The following ANKRD28 variants were observed in gnomAD, a reference collection of about 807,000 sequenced individuals.
ANKRD28 encodes the protein ankyrin repeat domain 28.
A neutral mutation model predicts 126.5 loss-of-function variants in ANKRD28; 44 were observed. The ratio of observed to expected loss-of-function variants is 0.35; its 90% CI spans 0.27 to 0.45. The LOEUF (loss-of-function observed/expected upper bound fraction) is 0.45. ANKRD28 is among the 20% of genes least tolerant of loss of function. The pLI is 1.00. For synonymous variants in ANKRD28, 442 were observed against 468.5 expected, an observed-to-expected ratio of 0.94 and a Z score of 0.73; for missense variants, 1,110 against 1,316.6, an observed-to-expected ratio of 0.84 and a Z score of 2.43.
intron 4 of ANKRD28, among the ~76,000 whole-genome samples, chr3:15,744,957 C>T (rs1316491855): frequency 1.3e-5 from 2 of 151,932 alleles, no homozygotes; most frequent in African/African-American, 2.4e-5. Context: ...AAAGTGGTAT[C>T]GCTTTGTGGT....
chr3:15,728,381 A>G (rs529227586), intron 6 of ANKRD28, among the ~76,000 whole-genome samples: 17 of 152,032 alleles, frequency 1.1e-4, no homozygotes, highest in African/African-American at 3.1e-4. Context: ...GTAACCTCAA[A>G]CTCCTAGATT....
At chr3:15,673,985 G>C (rs749754346) in intron 27 of ANKRD28, among the ~76,000 whole-genome samples, 15 of 151,730 alleles carry the variant, frequency 9.9e-5, no homozygotes, top group Non-Finnish European at 1.8e-4. Flanking sequence ...AGACCGGCCT[G>C]GACAATATAG....
At chr3:15,722,936 A>C (rs1285071636) in intron 7 of ANKRD28, among the ~76,000 whole-genome samples, 2 of 152,156 alleles carry the variant, frequency 1.3e-5, no homozygotes, top group Non-Finnish European at 2.9e-5. Context: ...CTAAAAAAAA[A>C]ACAAAAAACA....
chr3:15,839,143 T>C lies in ANKRD28; in HGVS notation c.27+20234A>G, dbSNP rs1279367090. Among the ~76,000 whole-genome samples, 2 of 152,152 alleles carry C rather than the reference T, an allele frequency of 1.3e-5. No homozygotes were observed. The highest frequency in any genetic ancestry group is 2.9e-5 in the Non-Finnish European group (2 of 68,022). ...TGCAAAGTAGGTACAAGGTATCTTT[T>C]TGGGGTGATGAAAATACTCTAAAAC... On this transcript the variant is annotated intron_variant, in intron 1 of 27. Transcript: ENST00000399451. This position sits in a 1 kb window ranked among gnomAD's most constrained non-coding sequence, Gnocchi z 4.3.
chr3:15,802,890 T>C (rs2060492202), upstream of ANKRD28, among the ~76,000 whole-genome samples: 1 of 152,166 alleles, frequency 6.6e-6, no homozygotes, highest in Non-Finnish European at 1.5e-5. Context: ...AACAAAATTA[T>C]GAATAGTCAA....
At position 15,696,583 on chromosome 3, in the gene ANKRD28, C is replaced by T. The variant is rs147576983; in HGVS notation, c.1548-338G>A. Among the ~76,000 whole-genome samples the T allele has an allele frequency of 3.6e-3, 550 of 151,990 alleles. 7 individuals are homozygous for T. Among genetic ancestry groups the T allele is most frequent in the African/African-American group, 0.013 (529 of 41,480 alleles). On this transcript the variant is annotated intron_variant, in intron 14 of 27. Coordinates refer to ENST00000683139, the MANE Select transcript of ANKRD28 (RefSeq NM_001349278.2). ...CAATGTTGGATAGGATTAAACTTTT[C>T]GTGGTGGTGAGTACATAATATTGGC...
intron 1 of ANKRD28, among the ~76,000 whole-genome samples, chr3:15,837,629 T>A (rs190378138): frequency 2.6e-5 from 4 of 152,056 alleles, no homozygotes; most frequent in Non-Finnish European, 5.9e-5. Context: ...TCAAAACTCA[T>A]AGGATACAGA....
intron 4 of ANKRD28, among the ~76,000 whole-genome samples, chr3:15,739,889 T>C (rs527673832): frequency 6.6e-6 from 1 of 152,300 alleles, no homozygotes; most frequent in South Asian, 2.1e-4. Context: ...ATCAAAGATA[T>C]ATGGAGGCCT....
Position 15,816,154 on chromosome 3 carries a change from T to TATCAGGCAAC in ANKRD28, c.28-20858_28-20849dup. On this transcript the variant is annotated intron_variant, in intron 1 of 27. Coordinates refer to the ANKRD28 transcript ENST00000399451. The surrounding 1 kb of genome is among the most constrained non-coding windows in gnomAD (Gnocchi z 5.0). ...CAAAAACTATGTGGCTCTTGATGCTTATCAGGCAACATGTAATTGCAATGA... is the reference window on the plus strand; with the variant it reads ...CAAAAACTATGTGGCTCTTGATGCTTATCAGGCAACATCAGGCAACATGTAATTGCAATGA... 6.6e-6 allele frequency among the ~76,000 whole-genome samples: 1 copy of TATCAGGCAAC among 152,228 alleles called. No homozygotes were observed. Among genetic ancestry groups the TATCAGGCAAC allele is most frequent in the Non-Finnish European group, 1.5e-5 (1 of 68,036 alleles).
chr3:15,677,203 C>G, intron 25 of ANKRD28, 147 bp from the exon 26 acceptor site: 1 of 680,704 alleles, frequency 1.5e-6, no homozygotes, highest in Non-Finnish European at 2.5e-6. Context: ...TAATATTTGC[C>G]CAAACACATC....
At chr3:15,698,675 A>C (rs370483118) in intron 14 of ANKRD28, among the ~76,000 whole-genome samples, 12 of 152,284 alleles carry the variant, frequency 7.9e-5, no homozygotes, top group African/African-American at 2.6e-4. Flanking sequence ...TAGGAATCCA[A>C]CTTACAGGGG....
intron 13 of ANKRD28, among the ~76,000 whole-genome samples, chr3:15,708,788 T>C (rs1282036109): frequency 6.6e-6 from 1 of 152,214 alleles, no homozygotes; most frequent in Non-Finnish European, 1.5e-5. Flanking sequence ...TTTTCTTCTA[T>C]TCATTTCTGA....
At chr3:15,849,714 C>T (rs1373115463) in intron 1 of ANKRD28, among the ~76,000 whole-genome samples, 2 of 152,112 alleles carry the variant, frequency 1.3e-5, no homozygotes, top group Admixed American at 1.3e-4. Context: ...TAGTTAACTC[C>T]CCTAGAAAAT....
At chr3:15,708,939 A>G (rs966731671) in intron 13 of ANKRD28, among the ~76,000 whole-genome samples, 3 of 152,214 alleles carry the variant, frequency 2.0e-5, no homozygotes, top group African/African-American at 7.2e-5. Context: ...AACTGTTGAC[A>G]CACACAGTTT....
At position 15,817,262 on chromosome 3, in the gene ANKRD28, T is replaced by C. The variant is rs996512770; in HGVS notation, c.28-21956A>G. On this transcript the variant is annotated intron_variant, in intron 1 of 27. Transcript: ENST00000399451. This position sits in a 1 kb window ranked among gnomAD's most constrained non-coding sequence, Gnocchi z 4.5. ...TTTTATCTTGTCAGTAGAAGTACCATGGTTTTTTTTTCCTTGTTATTTTGT... is the reference window on the plus strand; with the variant it reads ...TTTTATCTTGTCAGTAGAAGTACCACGGTTTTTTTTTCCTTGTTATTTTGT... Among the ~76,000 whole-genome samples the C allele has an allele frequency of 4.5e-5, 4 of 89,230 alleles. No individual in the cohort carries two copies. Among genetic ancestry groups the C allele is most frequent in the African/African-American group, 6.1e-5 (2 of 32,952 alleles). The allele number at this position is 89,230 out of a possible 152,430, so 58.5% of individuals were successfully genotyped here. A position where few individuals can be genotyped will look rare whatever the true frequency, so the allele number is the denominator to read the frequency against.
chr3:15,774,562 G>A (rs1406213077), intron 2 of ANKRD28, among the ~76,000 whole-genome samples: 1 of 152,042 alleles, frequency 6.6e-6, no homozygotes, highest in Non-Finnish European at 1.5e-5. Context: ...AAAACTAAAT[G>A]TAAGCAGCAA....
intron 2 of ANKRD28, among the ~76,000 whole-genome samples, chr3:15,782,945 C>G (rs2059603596): frequency 6.6e-6 from 1 of 151,950 alleles, no homozygotes; most frequent in African/African-American, 2.4e-5. Flanking sequence ...GAAGAAAATC[C>G]TTTTCAGTGG....
chr3:15,835,470 T>C (rs149409322), intron 1 of ANKRD28, among the ~76,000 whole-genome samples: 144 of 152,326 alleles, frequency 9.5e-4, no homozygotes, highest in Non-Finnish European at 1.1e-3. Flanking sequence ...TAGATTCACG[T>C]TCCTCTTACA....
intron 2 of ANKRD28, among the ~76,000 whole-genome samples, chr3:15,767,700 T>TAAAAAAAAAAAAA (rs57072807): frequency 3.1e-5 from 2 of 64,360 alleles, no homozygotes; most frequent in African/African-American, 9.2e-5. Flanking sequence ...TAGTCTCTAC[T>TAAAAAAAAAAAAA]AAAAAAAAAA....
Sources: allele counts gnomAD v4.1 joint callset (sites outside exome capture counted in the v4.1 genomes callset), GRCh38; gene constraint gnomAD v4.1.1; non-coding constraint Gnocchi (gnomAD v3.1); transcripts MANE v1.5; gene names NCBI Gene and HGNC (gene_info 2026-07-23, HGNC 2026-07-21).